RBBP5: variants seen among roughly 807,000 people sequenced by gnomAD.
RBBP5 encodes the protein RB binding protein 5, histone lysine methyltransferase complex subunit, also known as retinoblastoma-binding protein 5.
RBBP5 carries 5 observed loss-of-function variants against 72.2 expected under a neutral mutation model. The observed-to-expected ratio is 0.07, with a 90% confidence interval of 0.04 to 0.15. RBBP5 has a LOEUF of 0.15. Among genes scored for constraint, RBBP5 ranks in the 10% least tolerant of loss-of-function variants. The pLI is 1.00. For synonymous variants in RBBP5, 209 were observed against 237.2 expected (o/e 0.88, Z 1.09); for missense variants, 322 against 652.2 (o/e 0.49, Z 5.51).
At chr1:205,093,159 T>A (rs1166330421) in intron 13 of RBBP5, among the ~76,000 whole-genome samples, 1 of 151,870 alleles carries the variant, frequency 6.6e-6, no homozygotes, top group African/African-American at 2.4e-5. Context: ...TCCAGGCTAC[T>A]TTACAATATA....
At chr1:205,092,279 T>G (rs900207045) in intron 13 of RBBP5, among the ~76,000 whole-genome samples, 2 of 152,214 alleles carry the variant, frequency 1.3e-5, no homozygotes, top group African/African-American at 4.8e-5. Flanking sequence ...GAACTATACC[T>G]CAATGCCCCT....
At chr1:205,109,845 G>A (rs1217563133) in intron 3 of RBBP5, among the ~76,000 whole-genome samples, 1 of 152,004 alleles carries the variant, frequency 6.6e-6, no homozygotes, top group Non-Finnish European at 1.5e-5. Context: ...CCCATCCAGT[G>A]CTTGAATTTC....
At chr1:205,102,246 T>C (rs1436598759) in intron 5 of RBBP5, among the ~76,000 whole-genome samples, 1 of 152,126 alleles carries the variant, frequency 6.6e-6, no homozygotes, top group Non-Finnish European at 1.5e-5. Context: ...AACCAAAATA[T>C]AGAAGCAACC....
At position 205,100,064 on chromosome 1, in the gene RBBP5, C is replaced by A; in HGVS notation, c.753G>T (p.Arg251Ser). ...PMQKLQDLVNRTPWKKCCFSG... is the reference protein window; with the variant it reads ...PMQKLQDLVNSTPWKKCCFSG... ...AGAAACAACATTTCTTCCATGGGGT[C>A]CTAAAGGACAAGGAAAGTACCAAGG... is the stretch of plus-strand genomic sequence containing the variant. Residue 251 changes from arginine (R) to serine (S), a missense_variant and splice_region_variant, in exon 8 of 14, where the codon AGG (arginine) becomes AGT (serine). By Grantham distance (110) the Arg-to-Ser change is moderately radical. Coordinates refer to ENST00000264515, the MANE Select transcript of RBBP5 (RefSeq NM_005057.4). 1 of 1,613,876 alleles carries A rather than the reference C, an allele frequency of 6.2e-7. No homozygotes were observed.
Position 205,110,805 on chromosome 1 carries a change from T to C in RBBP5, c.218+3984A>G, listed in dbSNP as rs181037082. On this transcript the variant is annotated intron_variant, in intron 3 of 13. Coordinates refer to ENST00000264515, the MANE Select transcript of RBBP5 (RefSeq NM_005057.4). ...ATGGCCAAGCACGGTGGCTCACTACTGTAATCTTGGCACTTTGGGAGGCCA... is the reference window on the plus strand; with the variant it reads ...ATGGCCAAGCACGGTGGCTCACTACCGTAATCTTGGCACTTTGGGAGGCCA... Among the ~76,000 whole-genome samples, 165 of 152,358 alleles carry C rather than the reference T, an allele frequency of 1.1e-3. 1 individual carries two copies. The highest frequency in any genetic ancestry group is 3.7e-3 in the African/African-American group (155 of 41,584).
rs566760150 is a variant in RBBP5, at chr1:205,104,715, C to A, written c.359+313G>T. On this transcript the variant is annotated intron_variant, in intron 4 of 13. Coordinates refer to ENST00000264515, the MANE Select transcript of RBBP5 (RefSeq NM_005057.4). ...AATTAGCCAGGCATGGTGGCACGCA[C>A]CTGCAGTCCCAGCTACTCGAGAGGC... is the stretch of plus-strand genomic sequence containing the variant. Among the ~76,000 whole-genome samples the A allele has an allele frequency of 3.9e-5, 6 of 152,094 alleles. No individual in the cohort carries two copies. In the South Asian group the frequency reaches 6.2e-4, roughly 16 times the overall value.
At chr1:205,116,855 C>T (rs955566312) in intron 1 of RBBP5, among the ~76,000 whole-genome samples, 1 of 152,136 alleles carries the variant, frequency 6.6e-6, no homozygotes, top group Non-Finnish European at 1.5e-5. Flanking sequence ...AGAGTCAATT[C>T]ATATCAGTCA....
chr1:205,094,802 TA>T (rs1655547371), intron 13 of RBBP5, 70 bp downstream of exon 13: 11 of 1,421,366 alleles, frequency 7.7e-6, no homozygotes, highest in Non-Finnish European at 1.0e-5. Context: ...ATGTTGCAGT[TA>T]AATGAAGTCA....
intron 13 of RBBP5, chr1:205,091,387 C>T (rs1655344743): frequency 6.6e-6 from 1 of 152,240 alleles, no homozygotes; most frequent in African/African-American, 2.4e-5. Flanking sequence ...TGGTCCTTCC[C>T]AAAAGTCCCA....
intron 13 of RBBP5, among the ~76,000 whole-genome samples, chr1:205,089,409 T>C (rs932061584): frequency 1.3e-5 from 2 of 152,250 alleles, no homozygotes; most frequent in Non-Finnish European, 2.9e-5. Context: ...CTTCCCTGAT[T>C]ATTCCATAGA....
chr1:205,112,648 C>G (rs1656362059), intron 3 of RBBP5, among the ~76,000 whole-genome samples: 1 of 151,918 alleles, frequency 6.6e-6, no homozygotes. Context: ...ATTCACTAAA[C>G]ACTATGTAGT....
In RBBP5 at chr1:205,101,672, G is replaced by A; in HGVS notation, c.560C>T (p.Ala187Val). The A allele has an allele frequency of 6.2e-7, 1 of 1,613,294 alleles. No individual in the cohort carries two copies. The highest frequency in any genetic ancestry group is 8.5e-7 in the Non-Finnish European group (1 of 1,179,660). The part of the protein sequence containing the change: ...VLKTDSQDLV[A>V]SFRVTTGTSN... ...TGTTCCAGTTGTCACTCTGAAGGAA[G>A]CAACAAGATCCTGAGAATCTGTTTT... Residue 187 changes from alanine (A) to valine (V), a missense_variant, in exon 6 of 14, where the codon GCT becomes GTT. Around this residue, in one of 6 missense-constraint regions of RBBP5, gnomAD observed 161 missense variants for 327.8 expected, o/e 0.49. Transcript: ENST00000264515.
chr1:205,094,806 T>C lies in RBBP5; in HGVS notation c.1588+67A>G, dbSNP rs1009120677. On this transcript the variant is annotated intron_variant, in intron 13 of 13. Coordinates refer to ENST00000264515, the MANE Select transcript of RBBP5 (RefSeq NM_005057.4). ...AGGGGGAAAAAATGTTGCAGTTAAA[T>C]GAAGTCAAGGGCTACACAAAGCAAG... 4.3e-5 allele frequency: 62 copies of C among 1,433,316 alleles called. No individual in the cohort carries two copies. The African/African-American group carries it at 6.7e-4, about 15-fold the overall frequency. 88.8% of individuals were successfully genotyped at this position (1,433,316 alleles called of 1,614,324 possible). A position where few individuals can be genotyped will look rare whatever the true frequency, so the allele number is the denominator to read the frequency against.
At chr1:205,111,981 G>T (rs112550150) in intron 3 of RBBP5, among the ~76,000 whole-genome samples, 1 of 151,860 alleles carries the variant, frequency 6.6e-6, no homozygotes, top group South Asian at 2.1e-4. Context: ...CCCTCTGCTT[G>T]GAATATATCT....
intron 13 of RBBP5, 82 bp from the exon 14 acceptor site, chr1:205,088,897 G>T: frequency 2.3e-6 from 3 of 1,301,766 alleles, no homozygotes; most frequent in Non-Finnish European, 3.2e-6. Context: ...CTGAATGCTG[G>T]ATGATGCATT....
chr1:205,117,437 G>A (rs1219019272), intron 1 of RBBP5, among the ~76,000 whole-genome samples: 1 of 151,676 alleles, frequency 6.6e-6, no homozygotes, highest in East Asian at 2.0e-4. Context: ...GAGGCAGGTG[G>A]ATCACCTGAG....
intron 13 of RBBP5, among the ~76,000 whole-genome samples, chr1:205,093,259 A>T (rs545300447): frequency 1.3e-5 from 2 of 151,132 alleles, no homozygotes; most frequent in African/African-American, 2.4e-5. Flanking sequence ...CAGGAGTTCA[A>T]GATCAGCCTG....
intron 3 of RBBP5, among the ~76,000 whole-genome samples, chr1:205,105,980 C>G (rs1205068625): frequency 6.6e-6 from 1 of 152,228 alleles, no homozygotes; most frequent in Non-Finnish European, 1.5e-5. Context: ...TAACAAGGCA[C>G]CCTCCCCACC....
At chr1:205,097,845 A>G (rs1655674561) in intron 10 of RBBP5, among the ~76,000 whole-genome samples, 1 of 152,062 alleles carries the variant, frequency 6.6e-6, no homozygotes, top group Admixed American at 6.6e-5. Context: ...GAGGACCAGC[A>G]CTTTGACACT....
Sources: gnomAD v4.1 joint callset for allele counts (sites outside exome capture counted in the v4.1 genomes callset) on GRCh38, gnomAD v4.1.1 for gene constraint, gnomAD v4.1.1 regional missense constraint, MANE v1.5 for transcripts, NCBI Gene and HGNC (gene_info 2026-07-23, HGNC 2026-07-21) for gene names.